The following C10orf90 variants were observed in gnomAD, a reference collection of about 807,000 sequenced individuals.
C10orf90 encodes the protein chromosome 10 open reading frame 90.
In C10orf90, 56 loss-of-function variants were observed where a neutral mutation model predicts 62.5. The observed-to-expected ratio is 0.90, with a 90% CI of 0.72 to 1.12. The LOEUF is 1.12. C10orf90 is among the 50% of genes most tolerant of loss of function. C10orf90 has a pLI of 0.00. For synonymous variants in C10orf90, 386 were observed against 340.4 expected (o/e 1.13, Z -1.47); for missense variants, 970 against 880.4 (o/e 1.10, Z -1.29).
intron 4 of C10orf90, among the ~76,000 whole-genome samples, chr10:126,470,766 C>T (rs545600290): frequency 6.7e-6 from 1 of 148,500 alleles, no homozygotes; most frequent in Non-Finnish European, 1.5e-5. Flanking sequence ...AAAAAAAATA[C>T]AGAAAGGAAG....
At chr10:126,444,949 G>A (rs1858651091) in intron 7 of C10orf90, among the ~76,000 whole-genome samples, 1 of 152,254 alleles carries the variant, frequency 6.6e-6, no homozygotes, top group East Asian at 1.9e-4. Flanking sequence ...AAATGGTGCT[G>A]GGATAATTGG....
intron 8 of C10orf90, among the ~76,000 whole-genome samples, chr10:126,427,786 T>G (rs1226983045): frequency 6.6e-6 from 1 of 152,214 alleles, no homozygotes. Flanking sequence ...GGCTTTTGAC[T>G]TGGACTGAGC....
chr10:126,557,308 C>T (rs916586515), intron 2 of C10orf90, among the ~76,000 whole-genome samples: 38 of 151,776 alleles, frequency 2.5e-4, no homozygotes, highest in African/African-American at 9.0e-4. Context: ...GGTGAAATCC[C>T]GTCTCTACTA....
intron 2 of C10orf90, among the ~76,000 whole-genome samples, chr10:126,588,971 A>G (rs939318761): frequency 2.6e-5 from 4 of 152,206 alleles, no homozygotes; most frequent in African/African-American, 9.7e-5. Flanking sequence ...AAAACAATAC[A>G]GGAGCTGATA....
At position 126,646,650 on chromosome 10, in the gene C10orf90, C is replaced by A; in HGVS notation, c.241-13G>T. ...GTCGACTGTGGATCTAGAAAACAAA[C>A]AGAAATATTTCCCAATTTCATATTT... On this transcript the variant is annotated splice_polypyrimidine_tract_variant and intron_variant, in intron 1 of 9. Transcript: ENST00000488181. The A allele has an allele frequency of 4.6e-6, 2 of 433,182 alleles. No individual in the cohort carries two copies. Among genetic ancestry groups the A allele is most frequent in the Admixed American group, 2.7e-5 (1 of 36,894 alleles). 26.8% of individuals were successfully genotyped at this position (433,182 alleles called of 1,614,324 possible).
chr10:126,612,065 A>G (rs894460937), intron 2 of C10orf90, among the ~76,000 whole-genome samples: 3 of 152,252 alleles, frequency 2.0e-5, no homozygotes, highest in Admixed American at 2.0e-4. Flanking sequence ...TCACGCCTAT[A>G]ATCCCAGCAC....
Position 126,616,890 on chromosome 10 carries a change from T to C in C10orf90, c.313+29675A>G, listed in dbSNP as rs12411331. ...ACCTTCAGTGCCCCAGCAAAGTAGG[T>C]CCGCAACATTGATATGTGACCTGCC... is the stretch of plus-strand genomic sequence containing the variant. On this transcript the variant is annotated intron_variant, in intron 2 of 9. Coordinates refer to ENST00000488181, the MANE Select transcript of C10orf90 (RefSeq NM_001350921.2). 4.8e-3 allele frequency among the ~76,000 whole-genome samples: 731 copies of C among 152,246 alleles called. 39 individuals carry two copies. Among genetic ancestry groups the C allele is most frequent in the Admixed American group, 0.045 (695 of 15,290 alleles).
At chr10:126,616,156 T>C (rs1168506951) in intron 2 of C10orf90, among the ~76,000 whole-genome samples, 1 of 146,108 alleles carries the variant, frequency 6.8e-6, no homozygotes, top group African/African-American at 2.4e-5. Flanking sequence ...ATTCCGAGAG[T>C]GTGAGTCTTT....
At chr10:126,600,729 C>CGT (rs147883219) in intron 2 of C10orf90, among the ~76,000 whole-genome samples, 4 of 151,586 alleles carry the variant, frequency 2.6e-5, no homozygotes, top group East Asian at 3.9e-4. Flanking sequence ...GTTTCTTAGG[C>CGT]GTGTGTGTGT....
intron 2 of C10orf90, among the ~76,000 whole-genome samples, chr10:126,546,781 TA>T (rs1864501759): frequency 6.6e-6 from 1 of 152,190 alleles, no homozygotes; most frequent in African/African-American, 2.4e-5. Flanking sequence ...ATAGAAGATT[TA>T]ATAAGATCCA....
At chr10:126,655,757 C>A (rs538705547) in intron 1 of C10orf90, among the ~76,000 whole-genome samples, 1 of 150,752 alleles carries the variant, frequency 6.6e-6, no homozygotes, top group Non-Finnish European at 1.5e-5. Context: ...TCTGGGAATT[C>A]AATAGCCCAC....
At position 126,461,401 on chromosome 10, in the gene C10orf90, T is replaced by C. The variant is rs749687981; in HGVS notation, c.2010A>G (p.Gln670=). The C allele has an allele frequency of 5.0e-6, 8 of 1,613,870 alleles. No homozygotes were observed. Among genetic ancestry groups the C allele is most frequent in the South Asian group, 1.1e-5 (1 of 91,064 alleles). ...QQTPARSLTL[Q]EALEVRKPQF... ...AGCCAGGACACACAGAAGGCCTTAC[T>C]TGCAAGGTCAAAGATCTTGCAGGCG... Residue 670 remains glutamine (Q), a splice_region_variant and synonymous_variant, in exon 6 of 10, where the codon CAA becomes CAG. Coordinates refer to ENST00000488181, the MANE Select transcript of C10orf90 (RefSeq NM_001350921.2).
At chr10:126,480,748 AG>A (rs1354163872) in intron 4 of C10orf90, among the ~76,000 whole-genome samples, 3 of 152,236 alleles carry the variant, frequency 2.0e-5, no homozygotes, top group Non-Finnish European at 4.4e-5. Flanking sequence ...TCCATATGCA[AG>A]CACTAATTCT....
At chr10:126,623,204 C>T (rs564508471) in intron 2 of C10orf90, among the ~76,000 whole-genome samples, 1 of 152,144 alleles carries the variant, frequency 6.6e-6, no homozygotes, top group Non-Finnish European at 1.5e-5. Context: ...GGGCTTTGGA[C>T]TTCACCATGA....
chr10:126,588,970 C>T (rs556872430), intron 2 of C10orf90, among the ~76,000 whole-genome samples: 1 of 152,226 alleles, frequency 6.6e-6, no homozygotes, highest in Non-Finnish European at 1.5e-5. Context: ...TAAAACAATA[C>T]AGGAGCTGAT....
intron 2 of C10orf90, among the ~76,000 whole-genome samples, chr10:126,612,182 A>T (rs1352589955): frequency 6.6e-6 from 1 of 152,178 alleles, no homozygotes; most frequent in Non-Finnish European, 1.5e-5. Context: ...TTAGCTGCGC[A>T]TGGAGGCGCG....
At chr10:126,526,950 T>C (rs1161668667) in intron 2 of C10orf90, among the ~76,000 whole-genome samples, 1 of 152,252 alleles carries the variant, frequency 6.6e-6, no homozygotes, top group African/African-American at 2.4e-5. Flanking sequence ...AGACCACCTA[T>C]GTTGCATCTC....
At chr10:126,530,428 A>G (rs932413914) in intron 2 of C10orf90, among the ~76,000 whole-genome samples, 11 of 152,188 alleles carry the variant, frequency 7.2e-5, no homozygotes, top group African/African-American at 2.7e-4. Context: ...CATGAAAAGG[A>G]TAATAAGAGA....
rs1394411012 is a variant in C10orf90, at chr10:126,504,701, A to G, written c.790T>C (p.Cys264Arg). The stretch of plus-strand genomic sequence containing the variant: ...TGGAACAGTGTGTCCTCAGCCCTGC[A>G]CTTGGGGCACAGAGAGTCCCCAGCA... Reference protein sequence around the residue: ...GTAGDSLCPKCRAEDTLFQAP... With the variant: ...GTAGDSLCPKRRAEDTLFQAP... The change falls in exon 4 of 10, where the codon TGC (cysteine) becomes CGC (arginine). Residue 264 changes from cysteine (C) to arginine (R), a missense_variant. Transcript: ENST00000488181. This position sits in a 1 kb window ranked among gnomAD's most constrained non-coding sequence, Gnocchi z 4.1. The G allele has an allele frequency of 1.2e-6, 2 of 1,612,282 alleles. No individual in the cohort carries two copies. The highest frequency in any genetic ancestry group is 1.3e-5 in the African/African-American group (1 of 74,892).
Sources: allele counts gnomAD v4.1 joint callset (sites outside exome capture counted in the v4.1 genomes callset), GRCh38; gene constraint gnomAD v4.1.1; non-coding constraint Gnocchi (gnomAD v3.1); transcripts MANE v1.5; gene names NCBI Gene and HGNC (gene_info 2026-07-23, HGNC 2026-07-21).